WFDC8: variants seen among roughly 807,000 people sequenced by gnomAD.
WFDC8 encodes the protein WAP four-disulfide core domain protein 8.
Under a neutral mutation model 27.0 loss-of-function variants are expected in WFDC8, and 24 were observed. That is an observed-to-expected ratio of 0.89 (90% CI 0.64 to 1.25). The LOEUF is 1.25. Ranked by LOEUF, WFDC8 falls within the 50% of genes most tolerant of loss-of-function variation. WFDC8 has a pLI of 0.00. For missense variants in WFDC8, 287 were observed against 295.9 expected (o/e 0.97, Z 0.22); for synonymous variants, 106 against 99.7 (o/e 1.06, Z -0.38).
chr20:45,556,001 A>AG, intron 3 of WFDC8, 133 bp from the exon 4 acceptor site: 1 of 865,786 alleles, frequency 1.2e-6, no homozygotes, highest in East Asian at 2.6e-5. Context: ...GGGAAAAAAA[A>AG]AGGCATAGGT....
intron 1 of WFDC8, among the ~76,000 whole-genome samples, chr20:45,573,358 G>C (rs1366833542): frequency 6.6e-6 from 1 of 152,150 alleles, no homozygotes; most frequent in Non-Finnish European, 1.5e-5. Context: ...TACATGAATA[G>C]ATTGTATAGT....
intron 3 of WFDC8, among the ~76,000 whole-genome samples, chr20:45,558,610 A>G (rs1401942998): frequency 2.0e-5 from 3 of 152,220 alleles, no homozygotes; most frequent in Admixed American, 2.0e-4. Context: ...TGCGCATGCA[A>G]CAAGTATTAG....
At chr20:45,561,485 T>C (rs6032325) in intron 2 of WFDC8, among the ~76,000 whole-genome samples, 58,095 of 151,866 alleles carry the variant, frequency 0.38, 11,546 homozygotes, top group Non-Finnish European at 0.43. Flanking sequence ...CAGGTCCAGT[T>C]TGTTATTAGA....
intron 4 of WFDC8, among the ~76,000 whole-genome samples, chr20:45,555,417 G>T (rs73910253): frequency 0.048 from 7,302 of 152,180 alleles, 296 homozygotes; most frequent in East Asian, 0.17. Context: ...GGCACACCTG[G>T]CTTTCGGGTC....
chr20:45,557,434 G>GTT (rs201100933), intron 3 of WFDC8, among the ~76,000 whole-genome samples: 2 of 151,148 alleles, frequency 1.3e-5, no homozygotes, highest in South Asian at 4.2e-4. Flanking sequence ...ATTTTCTTTT[G>GTT]TTTTTTTTTG....
rs1364169850 is a variant in WFDC8, at chr20:45,570,880, G to C, written c.26+8342C>G. ...CGTTCTAATAGATGTGCAGTGGTAA[G>C]ACTGCATGCTATTTGGAGAAATGAA... On this transcript the variant is annotated intron_variant, in intron 1 of 5. Coordinates refer to ENST00000289953, the MANE Select transcript of WFDC8 (RefSeq NM_130896.3). Among the ~76,000 whole-genome samples the C allele has an allele frequency of 2.6e-5, 4 of 152,286 alleles. No homozygotes were observed. The East Asian group carries it at 7.7e-4, about 29-fold the overall frequency.
At chr20:45,568,197 G>T in intron 1 of WFDC8, 1 of 270,104 alleles carries the variant, frequency 3.7e-6, no homozygotes, top group Non-Finnish European at 7.6e-6. Flanking sequence ...GTTCCCTAAT[G>T]GGAAGCCAAA....
intron 1 of WFDC8, among the ~76,000 whole-genome samples, chr20:45,562,842 T>C (rs1395857689): frequency 6.6e-6 from 1 of 152,230 alleles, no homozygotes; most frequent in Non-Finnish European, 1.5e-5. Context: ...TGTGTCTTCA[T>C]GATCCTTATG....
intron 1 of WFDC8, among the ~76,000 whole-genome samples, chr20:45,573,065 TTG>T (rs1455798813): frequency 6.6e-6 from 1 of 152,242 alleles, no homozygotes; most frequent in Non-Finnish European, 1.5e-5. Context: ...ACTCTATGAG[TTG>T]TCTCTTGACT....
At chr20:45,572,705 C>T (rs764368813) in intron 1 of WFDC8, among the ~76,000 whole-genome samples, 28 of 152,198 alleles carry the variant, frequency 1.8e-4, no homozygotes, top group Non-Finnish European at 3.8e-4. Flanking sequence ...CTCCCAAGTT[C>T]AAGCAATTCT....
Position 45,572,665 on chromosome 20 carries a change from G to C in WFDC8, c.26+6557C>G, listed in dbSNP as rs1980910870. Among the ~76,000 whole-genome samples, 5 of 152,128 alleles carry C rather than the reference G, an allele frequency of 3.3e-5. No homozygotes were observed. The South Asian group carries it at 1.0e-3, about 31-fold the overall frequency. ...TCTGTCACCCAGGCTGGAGTGCAGT[G>C]GTGTGATCTTGTCACACTGCAACCT... On this transcript the variant is annotated intron_variant, in intron 1 of 5. Coordinates refer to ENST00000289953, the MANE Select transcript of WFDC8 (RefSeq NM_130896.3).
intron 1 of WFDC8, among the ~76,000 whole-genome samples, chr20:45,576,591 T>A (rs1981054169): frequency 6.6e-6 from 1 of 150,912 alleles, no homozygotes; most frequent in African/African-American, 2.4e-5. Context: ...AGAGACGGGG[T>A]CTTTCCATGT....
At chr20:45,561,639 A>G (rs1600891269) in intron 2 of WFDC8, among the ~76,000 whole-genome samples, 1 of 151,766 alleles carries the variant, frequency 6.6e-6, no homozygotes, top group African/African-American at 2.4e-5. Flanking sequence ...ACCTGATCTC[A>G]CCCCTTGTCT....
chr20:45,574,559 C>T (rs1218392548), intron 1 of WFDC8, among the ~76,000 whole-genome samples: 1 of 152,136 alleles, frequency 6.6e-6, no homozygotes, highest in Non-Finnish European at 1.5e-5. Flanking sequence ...ATTTGGGAGG[C>T]CAAGGAGGGC....
At chr20:45,568,354 T>A (rs1980753533) in intron 1 of WFDC8, 1 of 243,792 alleles carries the variant, frequency 4.1e-6, no homozygotes, top group Non-Finnish European at 8.4e-6. Flanking sequence ...GTCACTGTTA[T>A]TTTTTTCTTG....
chr20:45,563,206 A>G (rs1980532639), intron 1 of WFDC8, among the ~76,000 whole-genome samples: 1 of 152,212 alleles, frequency 6.6e-6, no homozygotes, highest in South Asian at 2.1e-4. Flanking sequence ...GGTCATGGAA[A>G]TTATGACCCC....
intron 2 of WFDC8, among the ~76,000 whole-genome samples, chr20:45,560,514 GT>G (rs775159161): frequency 2.6e-5 from 4 of 152,232 alleles, no homozygotes; most frequent in Non-Finnish European, 5.9e-5. Context: ...CATCCCTCCA[GT>G]GGAATCTGGC....
intron 1 of WFDC8, among the ~76,000 whole-genome samples, chr20:45,563,534 A>G (rs769098458): frequency 6.6e-6 from 1 of 152,230 alleles, no homozygotes; most frequent in Non-Finnish European, 1.5e-5. Context: ...CCTCACAGAC[A>G]TGAGAATTAC....
In WFDC8 at chr20:45,558,897, A is replaced by T. The variant is rs753482006; in HGVS notation, c.232T>A (p.Cys78Ser). The change falls in exon 3 of 6, where the codon TGC becomes AGC. Residue 78 changes from cysteine (C) to serine (S), a missense_variant. Physicochemically the swap from Cys to Ser is moderately radical, Grantham distance 112. Transcript: ENST00000289953. ...TDFDCKEYQKCCFFACQKKCM... is the reference protein window; with the variant it reads ...TDFDCKEYQKSCFFACQKKCM... ...TTCTTCTGACAGGCAAAAAAGCAGC[A>T]CTTCTGGTATTCCTTGCAGTCAAAA... 6.2e-7 allele frequency: 1 copy of T among 1,613,996 alleles called. No individual in the cohort carries two copies. The highest frequency in any genetic ancestry group is 1.3e-5 in the African/African-American group (1 of 74,912).
Sources: allele counts gnomAD v4.1 joint callset (sites outside exome capture counted in the v4.1 genomes callset), GRCh38; gene constraint gnomAD v4.1.1; transcripts MANE v1.5; gene names NCBI Gene and HGNC (gene_info 2026-07-23, HGNC 2026-07-21).